PCYT1A: variants seen among roughly 807,000 people sequenced by gnomAD.
The protein encoded by PCYT1A is choline-phosphate cytidylyltransferase A.
In PCYT1A, 25 loss-of-function variants were observed where a neutral mutation model predicts 43.7. That is an observed-to-expected ratio of 0.57 (90% CI 0.42 to 0.80). The LOEUF (loss-of-function observed/expected upper bound fraction) is 0.80, where lower values mean the gene tolerates loss of function less well. Ranked by LOEUF, PCYT1A falls within the 30% of genes least tolerant of loss-of-function variation. The pLI is 0.00. For missense variants in PCYT1A, 421 were observed against 474.2 expected (o/e 0.89, Z 1.04); for synonymous variants, 172 against 170.7 (o/e 1.01, Z -0.06).
chr3:196,277,245 A>AT lies in PCYT1A; in HGVS notation c.-10-6705dup, dbSNP rs575345364. Among the ~76,000 whole-genome samples the AT allele has an allele frequency of 6.6e-6, 1 of 151,604 alleles. No individual in the cohort carries two copies. Among genetic ancestry groups the AT allele is most frequent in the Non-Finnish European group, 1.5e-5 (1 of 67,904 alleles). ...GACTCCATTTCAAAAAAATATATAT[A>AT]TTTTTTTCTTTACCTGCTTACACTA... On this transcript the variant is annotated intron_variant, in intron 1 of 8. Coordinates refer to ENST00000431016, the MANE Select transcript of PCYT1A (RefSeq NM_001312673.2). The surrounding 1 kb of genome is among the most constrained non-coding windows in gnomAD (Gnocchi z 4.1).
At chr3:196,243,287 C>T (rs1485418636) in intron 5 of PCYT1A, 1 of 151,506 alleles carries the variant, frequency 6.6e-6, no homozygotes, top group Non-Finnish European at 1.5e-5. Context: ...AAAATCGCAC[C>T]ACTGCACTCC....
Position 196,247,222 on chromosome 3 carries a change from A to G in PCYT1A, c.486+145T>C, listed in dbSNP as rs777968594. 9.9e-6 allele frequency: 8 copies of G among 804,526 alleles called. No individual in the cohort carries two copies. The highest frequency in any genetic ancestry group is 1.7e-5 in the Non-Finnish European group (8 of 480,214). 49.8% of individuals were successfully genotyped at this position (804,526 alleles called of 1,614,324 possible). ...AACGTCAGGGGTGACTGTTATCACT[A>G]GTAATATCACTGTCATCTCCTACGA... On this transcript the variant is annotated intron_variant, in intron 5 of 8. Transcript: ENST00000431016. The surrounding 1 kb of genome is among the most constrained non-coding windows in gnomAD (Gnocchi z 4.8).
intron 3 of PCYT1A, among the ~76,000 whole-genome samples, chr3:196,251,860 A>G (rs1294587680): frequency 6.6e-6 from 1 of 152,184 alleles, no homozygotes; most frequent in Admixed American, 6.5e-5. Flanking sequence ...ATTTTACTTT[A>G]TGCCCTTTTT....
rs564825456 is a variant in PCYT1A, at chr3:196,277,099, G to A, written c.-10-6558C>T. ...ATAAAAATTAGCCAGGTGTGGTGGC[G>A]GGCACCTGTAATCCCAGCTACTTGG... On this transcript the variant is annotated intron_variant, in intron 1 of 8. Transcript: ENST00000431016. This position sits in a 1 kb window ranked among gnomAD's most constrained non-coding sequence, Gnocchi z 4.1. Among the ~76,000 whole-genome samples, 42 of 151,430 alleles carry A rather than the reference G, an allele frequency of 2.8e-4. No homozygotes were observed. Among genetic ancestry groups the A allele is most frequent in the South Asian group, 1.5e-3 (7 of 4,790 alleles).
chr3:196,247,664 T>C lies in PCYT1A; in HGVS notation c.335-146A>G. 1 of 764,696 alleles carries C rather than the reference T, an allele frequency of 1.3e-6. No homozygotes were observed. Among genetic ancestry groups the C allele is most frequent in the Non-Finnish European group, 2.3e-6 (1 of 435,700 alleles). 47.4% of individuals were successfully genotyped at this position (764,696 alleles called of 1,614,324 possible). On this transcript the variant is annotated intron_variant, in intron 4 of 8. Coordinates refer to ENST00000431016, the MANE Select transcript of PCYT1A (RefSeq NM_001312673.2). This position sits in a 1 kb window ranked among gnomAD's most constrained non-coding sequence, Gnocchi z 4.8. ...AAAGTCTTCTAAAGGTGGTTGAACCTGGGTGATAACGCTTTTCCTAATGCA... is the reference window on the plus strand; with the variant it reads ...AAAGTCTTCTAAAGGTGGTTGAACCCGGGTGATAACGCTTTTCCTAATGCA...
intron 3 of PCYT1A, among the ~76,000 whole-genome samples, chr3:196,255,824 A>C (rs1411756748): frequency 1.3e-5 from 2 of 152,258 alleles, no homozygotes; most frequent in Non-Finnish European, 2.9e-5. Context: ...ATCTAAATGA[A>C]TAGCTGATTG....
intron 1 of PCYT1A, among the ~76,000 whole-genome samples, chr3:196,272,414 G>A (rs1725458889): frequency 1.3e-5 from 2 of 152,158 alleles, no homozygotes; most frequent in South Asian, 4.1e-4. Context: ...TCGAACACCT[G>A]ACCTCGTGAT....
chr3:196,257,670 C>T, intron 3 of PCYT1A, 118 bp downstream of exon 3: 1 of 628,684 alleles, frequency 1.6e-6, no homozygotes, highest in Non-Finnish European at 2.9e-6. Context: ...AACCCCTTCG[C>T]TGCTGGCCTT....
chr3:196,287,361 A>G (rs1268903101), intron 1 of PCYT1A: 1 of 151,948 alleles, frequency 6.6e-6, no homozygotes, highest in East Asian at 1.9e-4. Flanking sequence ...CCTTGCAGTC[A>G]CTGCCTCATA....
At chr3:196,267,178 CAAAAAAA>C in intron 2 of PCYT1A, 1 of 190,862 alleles carries the variant, frequency 5.2e-6, no homozygotes, top group Non-Finnish European at 1.0e-5. Flanking sequence ...GACTCAGTCT[CAAAAAAA>C]AAAAAAAAAA....
At chr3:196,278,925 G>C (rs992481942) in intron 1 of PCYT1A, among the ~76,000 whole-genome samples, 1 of 146,760 alleles carries the variant, frequency 6.8e-6, no homozygotes, top group Non-Finnish European at 1.5e-5. Context: ...AGGTTGCAGT[G>C]AGCCAAGATC....
At chr3:196,280,571 T>G (rs2686643) in intron 1 of PCYT1A, among the ~76,000 whole-genome samples, 9 of 16,382 alleles carry the variant, frequency 5.5e-4, no homozygotes, top group Admixed American at 2.5e-3. Context: ...ATTTTTATTG[T>G]TTTTTTTTTT....
intron 1 of PCYT1A, among the ~76,000 whole-genome samples, chr3:196,275,977 G>T: frequency 6.6e-6 from 1 of 150,718 alleles, no homozygotes; most frequent in Non-Finnish European, 1.5e-5. Flanking sequence ...GGCACCTGTA[G>T]TCCCAGCTGC....
In PCYT1A at chr3:196,235,724, T is replaced by C. The variant is rs1348483801; in HGVS notation, c.*2964A>G. Reference sequence around the variant, plus strand: ...ATCTTGGCCACATTTGGCCCACCCATGTTGACTGCTTTCTCGTGTGTGATT... The same window carrying C: ...ATCTTGGCCACATTTGGCCCACCCACGTTGACTGCTTTCTCGTGTGTGATT... On this transcript the variant is annotated 3_prime_UTR_variant, in exon 9 of 9. Coordinates refer to ENST00000431016, the MANE Select transcript of PCYT1A (RefSeq NM_001312673.2). This position sits in a 1 kb window ranked among gnomAD's most constrained non-coding sequence, Gnocchi z 4.3. 6.6e-6 allele frequency: 1 copy of C among 152,272 alleles called. No homozygotes were observed. Among genetic ancestry groups the C allele is most frequent in the Non-Finnish European group, 1.5e-5 (1 of 68,064 alleles). 9.4% of individuals were successfully genotyped at this position (152,272 alleles called of 1,614,324 possible).
At chr3:196,285,155 G>A (rs963480472) in intron 1 of PCYT1A, among the ~76,000 whole-genome samples, 1 of 152,100 alleles carries the variant, frequency 6.6e-6, no homozygotes, top group African/African-American at 2.4e-5. Flanking sequence ...ACAATCAATA[G>A]CACCTTCTAA....
chr3:196,259,399 T>C (rs1021884452), intron 2 of PCYT1A, among the ~76,000 whole-genome samples: 6 of 152,224 alleles, frequency 3.9e-5, no homozygotes, highest in Non-Finnish European at 8.8e-5. Context: ...CTAATTTCTG[T>C]ATGGCTGCAG....
Position 196,236,067 on chromosome 3 carries a change from G to C in PCYT1A, c.*2621C>G, listed in dbSNP as rs893071161. On this transcript the variant is annotated 3_prime_UTR_variant, in exon 9 of 9. Transcript: ENST00000431016. Reference sequence around the variant, plus strand: ...TTTCCCAATAACATGTACGTTTGCTGGCCCTAGCAGTCTCAGAGGCCTGTC... The same window carrying C: ...TTTCCCAATAACATGTACGTTTGCTCGCCCTAGCAGTCTCAGAGGCCTGTC... 9 of 152,216 alleles carry C rather than the reference G, an allele frequency of 5.9e-5. No homozygotes were observed. Among genetic ancestry groups the C allele is most frequent in the African/African-American group, 1.7e-4 (7 of 41,440 alleles). The allele number at this position is 152,216 out of a possible 1,614,324, so 9.4% of individuals were successfully genotyped here. A position where few individuals can be genotyped will look rare whatever the true frequency, so the allele number is the denominator to read the frequency against.
intron 8 of PCYT1A, among the ~76,000 whole-genome samples, chr3:196,239,180 C>T (rs899201892): frequency 6.6e-6 from 1 of 152,152 alleles, no homozygotes. Context: ...GACAGAATTC[C>T]CACCTTACCT....
At chr3:196,259,911 CTTTT>C (rs779918737) in intron 2 of PCYT1A, among the ~76,000 whole-genome samples, 4 of 48,958 alleles carry the variant, frequency 8.2e-5, no homozygotes, top group Non-Finnish European at 1.5e-4. Context: ...TGGAAACATT[CTTTT>C]TTTTTTTTTT....
Sources: allele counts gnomAD v4.1 joint callset (sites outside exome capture counted in the v4.1 genomes callset), GRCh38; gene constraint gnomAD v4.1.1; non-coding constraint Gnocchi (gnomAD v3.1); transcripts MANE v1.5; gene names NCBI Gene and HGNC (gene_info 2026-07-23, HGNC 2026-07-21).